The following MYLK variants were observed in gnomAD, a reference collection of about 807,000 sequenced individuals.
MYLK encodes the protein myosin light chain kinase, smooth muscle.
MYLK carries 106 observed loss-of-function variants against 203.4 expected under a neutral mutation model. The observed-to-expected ratio is 0.52, with a 90% CI of 0.45 to 0.61. The LOEUF (loss-of-function observed/expected upper bound fraction) is 0.61. Among genes scored for constraint, MYLK ranks in the 20% least tolerant of loss-of-function variants. The pLI, the probability that MYLK is intolerant of heterozygous loss-of-function variation, is 0.00. For synonymous variants in MYLK, 867 were observed against 959.5 expected (o/e 0.90, Z 1.78); for missense variants, 2,072 against 2,442.3 (o/e 0.85, Z 3.20).
intron 2 of MYLK, among the ~76,000 whole-genome samples, chr3:123,858,133 G>A (rs2031576431): frequency 1.3e-5 from 2 of 152,168 alleles, no homozygotes; most frequent in South Asian, 2.1e-4. Context: ...GGAGCTATCT[G>A]CTTGTCATGC....
intron 17 of MYLK, among the ~76,000 whole-genome samples, 172 bp from the exon 18 acceptor site, chr3:123,701,177 C>A (rs114728686): frequency 6.7e-6 from 1 of 148,334 alleles, no homozygotes; most frequent in Non-Finnish European, 1.5e-5. Context: ...GAGAGGCGCT[C>A]GCTTGCTTAG....
intron 13 of MYLK, among the ~76,000 whole-genome samples, chr3:123,713,579 A>AGTGTGTG (rs2061783782): frequency 1.0e-4 from 14 of 136,468 alleles, no homozygotes; most frequent in South Asian, 2.5e-4. Context: ...GAGCAACACA[A>AGTGTGTG]TGTGTGTGTG....
At chr3:123,737,294 G>A (rs1053447890) in intron 8 of MYLK, 84 bp downstream of exon 8, 1 of 1,566,442 alleles carries the variant, frequency 6.4e-7, no homozygotes, top group Non-Finnish European at 8.8e-7. Context: ...TACACACACA[G>A]GTGCGCAGTG....
intron 4 of MYLK, among the ~76,000 whole-genome samples, chr3:123,766,320 C>T (rs1460278084): frequency 3.3e-5 from 5 of 152,228 alleles, no homozygotes; most frequent in East Asian, 1.9e-4. Context: ...TTCTCTGCCT[C>T]GTGACCACAC....
At chr3:123,774,039 A>G (rs112756685) in intron 4 of MYLK, among the ~76,000 whole-genome samples, 3 of 152,140 alleles carry the variant, frequency 2.0e-5, no homozygotes, top group African/African-American at 7.2e-5. Context: ...AGCTCAGTCC[A>G]CTGAGTGAGA....
chr3:123,704,898 C>T (rs1452398833), intron 16 of MYLK, among the ~76,000 whole-genome samples: 6 of 151,952 alleles, frequency 3.9e-5, no homozygotes, highest in Non-Finnish European at 8.8e-5. Context: ...CCAGCCTGGG[C>T]GACAGAGTGA....
intron 4 of MYLK, among the ~76,000 whole-genome samples, chr3:123,754,135 C>A (rs911056015): frequency 3.9e-5 from 6 of 152,230 alleles, no homozygotes; most frequent in Non-Finnish European, 7.3e-5. Context: ...GCTCAGTTTT[C>A]TTCCCAGGTG....
At chr3:123,686,899 A>T (rs1303972941) in intron 19 of MYLK, among the ~76,000 whole-genome samples, 1 of 152,192 alleles carries the variant, frequency 6.6e-6, no homozygotes, top group Non-Finnish European at 1.5e-5. Flanking sequence ...GTTTCACATA[A>T]TACCCGTTAG....
At chr3:123,651,843 C>A (rs1005381457) in intron 24 of MYLK, among the ~76,000 whole-genome samples, 8 of 152,238 alleles carry the variant, frequency 5.3e-5, no homozygotes, top group African/African-American at 1.9e-4. Context: ...TGTGGCAGAT[C>A]TGATTCTCAT....
chr3:123,771,475 T>G (rs138741507), intron 4 of MYLK, among the ~76,000 whole-genome samples: 1,874 of 152,328 alleles, frequency 0.012, 39 homozygotes, highest in African/African-American at 0.043. Context: ...ATTGTTTTTC[T>G]CTTTGTAATA....
chr3:123,657,230 A>G lies in MYLK; in HGVS notation c.4184T>C (p.Leu1395Pro), dbSNP rs146576868. The G allele has an allele frequency of 3.3e-5, 53 of 1,614,208 alleles. No homozygotes were observed. The African/African-American group carries it at 5.1e-4, about 15-fold the overall frequency. Reference sequence around the variant, plus strand: ...ACGGAACTTATATTCGTGGTCAGGCAGCAGGTCCTGGACGTTGAAAGAGGT... The same window carrying G: ...ACGGAACTTATATTCGTGGTCAGGCGGCAGGTCCTGGACGTTGAAAGAGGT... ...RSTSFNVQDL[L>P]PDHEYKFRVR... The change falls in exon 24 of 34, where the codon CTG becomes CCG. Residue 1395 changes from leucine to proline, a missense_variant. Physicochemically the swap from Leu to Pro is moderately conservative, Grantham distance 98. This residue lies in a region of MYLK where 524 missense variants were observed against 782.4 expected (regional missense o/e 0.67). Transcript: ENST00000360304.
chr3:123,702,768 T>C (rs2061295096), intron 16 of MYLK, among the ~76,000 whole-genome samples: 1 of 152,212 alleles, frequency 6.6e-6, no homozygotes, highest in African/African-American at 2.4e-5. Context: ...GTGGGAGGAT[T>C]GCTTGAGCTC....
chr3:123,623,848 G>T (rs1441272890), intron 31 of MYLK: 1 of 152,202 alleles, frequency 6.6e-6, no homozygotes, highest in Non-Finnish European at 1.5e-5. Flanking sequence ...ACTCTTCAGG[G>T]AAACTACTTG....
At chr3:123,699,538 T>C (rs2108572648) in intron 18 of MYLK, among the ~76,000 whole-genome samples, 1 of 152,364 alleles carries the variant, frequency 6.6e-6, no homozygotes, top group Non-Finnish European at 1.5e-5. Context: ...CCGTGCCATC[T>C]GGTCACTGCA....
intron 4 of MYLK, among the ~76,000 whole-genome samples, chr3:123,779,353 T>C (rs2064203650): frequency 6.6e-6 from 1 of 152,244 alleles, no homozygotes; most frequent in African/African-American, 2.4e-5. Context: ...CTCAGCCTAA[T>C]GCCTTTTAAG....
intron 2 of MYLK, among the ~76,000 whole-genome samples, chr3:123,845,421 C>T (rs1454185407): frequency 2.0e-5 from 3 of 152,194 alleles, no homozygotes; most frequent in Non-Finnish European, 4.4e-5. Context: ...AGTCCATCCA[C>T]CTCAGGGACA....
intron 11 of MYLK, among the ~76,000 whole-genome samples, chr3:123,729,153 T>C (rs2062394943): frequency 6.6e-6 from 1 of 152,158 alleles, no homozygotes; most frequent in Admixed American, 6.5e-5. Flanking sequence ...GACTTGGAGC[T>C]TTGGTGCAAG....
At position 123,629,855 on chromosome 3, in the gene MYLK, T is replaced by G; in HGVS notation, c.4962-229A>C. The G allele has an allele frequency of 1.8e-6, 1 of 566,922 alleles. No individual in the cohort carries two copies. The highest frequency in any genetic ancestry group is 3.2e-6 in the Non-Finnish European group (1 of 316,328). The allele number at this position is 566,922 out of a possible 1,614,324, so 35.1% of individuals were successfully genotyped here. ...TCTTGACACCACCTACCTGTGAGGCTGAGGTGCAGCAGGTTGGCTTTAGAT... is the reference window on the plus strand; with the variant it reads ...TCTTGACACCACCTACCTGTGAGGCGGAGGTGCAGCAGGTTGGCTTTAGAT... On this transcript the variant is annotated intron_variant, in intron 29 of 33. Transcript: ENST00000360304. This position sits in a 1 kb window ranked among gnomAD's most constrained non-coding sequence, Gnocchi z 4.4.
intron 8 of MYLK, 21 bp from the exon 9 acceptor site, chr3:123,735,437 G>A (rs1408690055): frequency 1.2e-6 from 2 of 1,613,980 alleles, no homozygotes; most frequent in Non-Finnish European, 1.7e-6. Context: ...GGGGAAGGGT[G>A]GAAAGACTGT....
Sources: gnomAD v4.1 joint callset for allele counts (sites outside exome capture counted in the v4.1 genomes callset) on GRCh38, gnomAD v4.1.1 for gene constraint, gnomAD v4.1.1 regional missense constraint, Gnocchi (gnomAD v3.1) non-coding constraint, MANE v1.5 for transcripts, NCBI Gene and HGNC (gene_info 2026-07-23, HGNC 2026-07-21) for gene names.